The following SKI variants were observed in gnomAD, a reference collection of about 807,000 sequenced individuals.
SKI encodes the protein ski oncogene.
A neutral mutation model predicts 59.3 loss-of-function variants in SKI; 23 were observed. That is an observed-to-expected ratio of 0.39 (90% CI 0.28 to 0.55). The LOEUF (loss-of-function observed/expected upper bound fraction) is 0.55. SKI is among the 20% of genes least tolerant of loss of function. The pLI, the probability that SKI is intolerant of heterozygous loss-of-function variation, is 0.67. For missense variants in SKI, 1,017 were observed against 1,038.9 expected (o/e 0.98, Z 0.29); for synonymous variants, 673 against 488.6 (o/e 1.38, Z -4.98).
intron 1 of SKI, among the ~76,000 whole-genome samples, chr1:2,233,167 G>T (rs780700973): frequency 1.3e-5 from 2 of 151,848 alleles, no homozygotes; most frequent in Non-Finnish European, 2.9e-5. Context: ...TTGGGCCGTG[G>T]CAGGATCCTG....
At chr1:2,248,213 C>T (rs1639041123) in intron 1 of SKI, 1 of 152,300 alleles carries the variant, frequency 6.6e-6, no homozygotes, top group Admixed American at 6.5e-5. Context: ...CTAGGTTCTG[C>T]TTTGGCCTGG....
intron 1 of SKI, among the ~76,000 whole-genome samples, chr1:2,288,175 T>TG: frequency 6.6e-6 from 1 of 152,064 alleles, no homozygotes; most frequent in East Asian, 1.9e-4. Flanking sequence ...TTAGTAGAGA[T>TG]GGGGTTTCTC....
chr1:2,305,304 G>A (rs754077291), intron 5 of SKI, among the ~76,000 whole-genome samples: 1 of 152,292 alleles, frequency 6.6e-6, no homozygotes, highest in Non-Finnish European at 1.5e-5. Context: ...GTGTGCAGGC[G>A]GCCCGTTGTT....
chr1:2,246,950 C>T (rs576846883), intron 1 of SKI, among the ~76,000 whole-genome samples: 12 of 152,310 alleles, frequency 7.9e-5, no homozygotes, highest in Admixed American at 5.2e-4. Context: ...AGGCCGGGCA[C>T]GGTGGCTCAC....
rs1469968145 is a variant in SKI at position 2,306,992 on chromosome 1, C to T, written c.*227C>T. 11 of 313,016 alleles carry T rather than the reference C, an allele frequency of 3.5e-5. No homozygotes were observed. The highest frequency in any genetic ancestry group is 8.9e-5 in the African/African-American group (4 of 44,812). The allele number at this position is 313,016 out of a possible 1,614,324, so 19.4% of individuals were successfully genotyped here. On this transcript the variant is annotated 3_prime_UTR_variant, in exon 7 of 7. Transcript: ENST00000378536. ...CGCGTCCCCCAACTACAGCTGGAGA[C>T]GGGGCCAGCTCGGCGGCCTGCTGGT...
At position 2,228,686 on chromosome 1, in the gene SKI, C is replaced by T; in HGVS notation, c.-81C>T. The stretch of plus-strand genomic sequence containing the variant: ...CCGGGGTCGGGGCCGCGGGCGCCGC[C>T]GGGGCGCGCGGGGCGGCGGCGGGGG... On this transcript the variant is annotated 5_prime_UTR_variant, in exon 1 of 7. Transcript: ENST00000378536. The T allele has an allele frequency of 2.3e-6, 2 of 888,564 alleles. No homozygotes were observed. Among genetic ancestry groups the T allele is most frequent in the Non-Finnish European group, 2.7e-6 (2 of 747,258 alleles). 55.0% of individuals were successfully genotyped at this position (888,564 alleles called of 1,614,324 possible). A position where few individuals can be genotyped will look rare whatever the true frequency, so the allele number is the denominator to read the frequency against.
chr1:2,240,021 G>A (rs1638833561), intron 1 of SKI, among the ~76,000 whole-genome samples: 1 of 152,222 alleles, frequency 6.6e-6, no homozygotes, highest in Admixed American at 6.5e-5. Flanking sequence ...TCGTTATTTG[G>A]ATTGTGATTT....
chr1:2,249,321 G>A (rs1345799725), intron 1 of SKI, among the ~76,000 whole-genome samples: 1 of 152,356 alleles, frequency 6.6e-6, no homozygotes, highest in East Asian at 1.9e-4. Context: ...CCAGCGTGCA[G>A]GCCGGATGTT....
At chr1:2,286,143 A>G (rs1203427672) in intron 1 of SKI, among the ~76,000 whole-genome samples, 2 of 152,208 alleles carry the variant, frequency 1.3e-5, no homozygotes, top group African/African-American at 4.8e-5. Flanking sequence ...AAGTGCTGGG[A>G]TTACAGGCAT....
intron 1 of SKI, among the ~76,000 whole-genome samples, chr1:2,257,910 G>A (rs569657527): frequency 6.6e-6 from 1 of 152,020 alleles, no homozygotes; most frequent in East Asian, 1.9e-4. Context: ...GGCTAATTTT[G>A]TAGTTTTAGT....
intron 1 of SKI, among the ~76,000 whole-genome samples, chr1:2,246,377 G>A (rs1557817538): frequency 1.3e-5 from 2 of 152,130 alleles, no homozygotes; most frequent in South Asian, 2.1e-4. Context: ...TTGTGTGTGG[G>A]GGCCTTTGCT....
chr1:2,261,509 T>C (rs12040414), intron 1 of SKI, among the ~76,000 whole-genome samples: 49,998 of 152,176 alleles, frequency 0.33, 8,872 homozygotes, highest in Admixed American at 0.44. Flanking sequence ...ATTGAGGTTT[T>C]TTCTTGGTCT....
chr1:2,255,071 G>T (rs994171655), intron 1 of SKI, among the ~76,000 whole-genome samples: 3 of 152,022 alleles, frequency 2.0e-5, no homozygotes, highest in African/African-American at 7.3e-5. Flanking sequence ...ACCCTACCAT[G>T]CGGCCTTTCT....
At chr1:2,301,641 T>A (rs1322602723) in intron 1 of SKI, among the ~76,000 whole-genome samples, 1 of 152,002 alleles carries the variant, frequency 6.6e-6, no homozygotes, top group Non-Finnish European at 1.5e-5. Context: ...GGAAGCAGGG[T>A]CCCTGCTGCC....
chr1:2,264,409 C>A (rs1639455273), intron 1 of SKI, among the ~76,000 whole-genome samples: 2 of 151,978 alleles, frequency 1.3e-5, no homozygotes, highest in Non-Finnish European at 2.9e-5. Flanking sequence ...GTTGGGATTA[C>A]AGGCACCCGC....
At chr1:2,274,331 C>T (rs960591624) in intron 1 of SKI, among the ~76,000 whole-genome samples, 15 of 152,274 alleles carry the variant, frequency 9.9e-5, no homozygotes, top group African/African-American at 2.4e-4. Flanking sequence ...TGCCGGCTCA[C>T]GGTTCTTCTC....
Position 2,309,434 on chromosome 1 carries a change from A to G in SKI, c.*2669A>G, listed in dbSNP as rs545411729. 6.6e-6 allele frequency: 1 copy of G among 152,316 alleles called. No homozygotes were observed. Among genetic ancestry groups the G allele is most frequent in the South Asian group, 2.1e-4 (1 of 4,824 alleles). The allele number at this position is 152,316 out of a possible 1,614,324, so 9.4% of individuals were successfully genotyped here. Reference sequence around the variant, plus strand: ...TCTGCTTTTCGTACAGAACTAGCCAATGTAAAAACAGTTCACCTGTAAATA... The same window carrying G: ...TCTGCTTTTCGTACAGAACTAGCCAGTGTAAAAACAGTTCACCTGTAAATA... On this transcript the variant is annotated 3_prime_UTR_variant, in exon 7 of 7. Transcript: ENST00000378536.
chr1:2,251,615 C>T (rs910267474), intron 1 of SKI, among the ~76,000 whole-genome samples: 6 of 152,182 alleles, frequency 3.9e-5, no homozygotes, highest in African/African-American at 1.2e-4. Flanking sequence ...GCCTGTGTAA[C>T]GGTTACTGCC....
chr1:2,240,024 T>C (rs1003040276), intron 1 of SKI, among the ~76,000 whole-genome samples: 1 of 152,202 alleles, frequency 6.6e-6, no homozygotes, highest in African/African-American at 2.4e-5. Context: ...TTATTTGGAT[T>C]GTGATTTCTT....
Sources: allele counts gnomAD v4.1 joint callset (sites outside exome capture counted in the v4.1 genomes callset), GRCh38; gene constraint gnomAD v4.1.1; transcripts MANE v1.5; gene names NCBI Gene and HGNC (gene_info 2026-07-23, HGNC 2026-07-21).